The following RABGAP1L variants were observed in gnomAD, a reference collection of about 807,000 sequenced individuals.
RABGAP1L encodes the protein RAB GTPase activating protein 1 like.
In RABGAP1L, 63 loss-of-function variants were observed where a neutral mutation model predicts 137.7. The observed-to-expected ratio is 0.46, with a 90% CI of 0.37 to 0.56. The LOEUF is 0.56. Ranked by LOEUF, RABGAP1L falls within the 20% of genes least tolerant of loss-of-function variation. The pLI, the probability that RABGAP1L is intolerant of heterozygous loss-of-function variation, is 0.00. For missense variants in RABGAP1L, 1,095 were observed against 1,244.0 expected, an observed-to-expected ratio of 0.88 and a Z score of 1.80; for synonymous variants, 431 against 433.7, an observed-to-expected ratio of 0.99 and a Z score of 0.08.
intron 13 of RABGAP1L, among the ~76,000 whole-genome samples, chr1:174,453,848 T>A (rs1655722498): frequency 6.6e-6 from 1 of 152,164 alleles, no homozygotes; most frequent in Non-Finnish European, 1.5e-5. Flanking sequence ...AGTAAAAGTG[T>A]TTTTTTAAAA....
chr1:174,701,927 A>G (rs1281186932), intron 16 of RABGAP1L, among the ~76,000 whole-genome samples, 186 bp from the exon 17 acceptor site: 1 of 152,032 alleles, frequency 6.6e-6, no homozygotes, highest in Non-Finnish European at 1.5e-5. Context: ...ATTTTCCTCA[A>G]TTATCTGTCA....
chr1:174,443,975 A>G (rs551371496), intron 13 of RABGAP1L, among the ~76,000 whole-genome samples: 7 of 152,038 alleles, frequency 4.6e-5, no homozygotes, highest in African/African-American at 1.7e-4. Flanking sequence ...CCTTTCCTGA[A>G]TTTAGGTTGA....
At chr1:174,620,046 C>T (rs1672294898) in intron 13 of RABGAP1L, among the ~76,000 whole-genome samples, 1 of 152,214 alleles carries the variant, frequency 6.6e-6, no homozygotes, top group South Asian at 2.1e-4. Context: ...CAAAGAAGGC[C>T]ATTACATAAT....
chr1:174,751,804 TAAG>T (rs1684358057), intron 17 of RABGAP1L, among the ~76,000 whole-genome samples: 1 of 152,080 alleles, frequency 6.6e-6, no homozygotes. Context: ...CTAAAACAAA[TAAG>T]AAAACAATAA....
chr1:174,244,250 T>C (rs1672067178), intron 5 of RABGAP1L: 1 of 152,254 alleles, frequency 6.6e-6, no homozygotes, highest in South Asian at 2.1e-4. Context: ...CTTAAGTATG[T>C]ACTGTGCAGC....
intron 1 of RABGAP1L, among the ~76,000 whole-genome samples, chr1:174,218,615 T>C (rs1669520313): frequency 6.6e-6 from 1 of 152,202 alleles, no homozygotes; most frequent in Non-Finnish European, 1.5e-5. Context: ...GGATGTTGAA[T>C]TCTGTATTAG....
intron 19 of RABGAP1L, among the ~76,000 whole-genome samples, chr1:174,950,543 TGTTAGAATTTTG>T (rs1667555306): frequency 6.6e-6 from 1 of 152,186 alleles, no homozygotes; most frequent in Non-Finnish European, 1.5e-5. Context: ...TACTGCAAAC[TGTTAGAATTTTG>T]GTTGCCACTG....
At chr1:174,576,839 A>G (rs921580862) in intron 13 of RABGAP1L, among the ~76,000 whole-genome samples, 3 of 152,150 alleles carry the variant, frequency 2.0e-5, no homozygotes, top group Non-Finnish European at 4.4e-5. Context: ...GTTATGCAGA[A>G]AAATCTAGTT....
At chr1:174,419,498 A>G (rs768819080) in intron 13 of RABGAP1L, among the ~76,000 whole-genome samples, 1 of 152,178 alleles carries the variant, frequency 6.6e-6, no homozygotes, top group Non-Finnish European at 1.5e-5. Context: ...AAAAATGTAC[A>G]CTATATCTTA....
At chr1:174,931,096 G>A (rs138728467) in intron 19 of RABGAP1L, among the ~76,000 whole-genome samples, 79 of 152,212 alleles carry the variant, frequency 5.2e-4, no homozygotes, top group African/African-American at 1.7e-3. Flanking sequence ...AAAGTAAGCA[G>A]AGTGAATGCT....
At chr1:174,609,209 A>G (rs1438311479) in intron 13 of RABGAP1L, among the ~76,000 whole-genome samples, 1 of 152,184 alleles carries the variant, frequency 6.6e-6, no homozygotes, top group Non-Finnish European at 1.5e-5. Flanking sequence ...GGCCAGACAA[A>G]TACCTGGAAA....
Position 174,231,165 on chromosome 1 carries a change from TCTTCTCCAGGTGGA to T in RABGAP1L, c.355_368del (p.Ser119ThrfsTer2). ...TTCAGAAATTTCTACACCCAGACCATCTTCTCCAGGTGGACTACCTGAAGAAGATAGTGTTTTAT... is the reference window on the plus strand; with the variant it reads ...TTCAGAAATTTCTACACCCAGACCATCTACCTGAAGAAGATAGTGTTTTAT... On this transcript the variant is annotated frameshift_variant, in exon 4 of 26. Coordinates refer to ENST00000681986, the MANE Select transcript of RABGAP1L (RefSeq NM_001366446.1). LOFTEE classifies it high-confidence loss of function. The T allele has an allele frequency of 1.2e-6, 2 of 1,612,290 alleles. No homozygotes were observed. The highest frequency in any genetic ancestry group is 1.3e-5 in the African/African-American group (1 of 75,018).
intron 13 of RABGAP1L, among the ~76,000 whole-genome samples, chr1:174,517,496 TATTGATATA>T (rs1662974639): frequency 6.6e-6 from 1 of 152,302 alleles, no homozygotes; most frequent in Non-Finnish European, 1.5e-5. Context: ...CTAGGGGGGC[TATTGATATA>T]ATTTCTAGAA....
chr1:174,860,073 C>A (rs1650033614), intron 19 of RABGAP1L, among the ~76,000 whole-genome samples: 1 of 149,296 alleles, frequency 6.7e-6, no homozygotes, highest in Non-Finnish European at 1.5e-5. Flanking sequence ...AATCCAGACA[C>A]AAGTCACCTC....
intron 19 of RABGAP1L, among the ~76,000 whole-genome samples, chr1:174,875,195 A>G (rs1652879630): frequency 6.6e-6 from 1 of 152,264 alleles, no homozygotes; most frequent in Admixed American, 6.5e-5. Flanking sequence ...ATGTAAACTT[A>G]AACTATTTTT....
chr1:174,446,486 A>T (rs1654782053), intron 13 of RABGAP1L, among the ~76,000 whole-genome samples: 1 of 152,246 alleles, frequency 6.6e-6, no homozygotes, highest in African/African-American at 2.4e-5. Flanking sequence ...AAAGAATGAC[A>T]GGAGACTCTC....
intron 21 of RABGAP1L, 73 bp from the exon 22 acceptor site, chr1:174,976,005 A>G: frequency 7.4e-7 from 1 of 1,350,986 alleles, no homozygotes; most frequent in Non-Finnish European, 1.0e-6. Flanking sequence ...TTGGGTTTGG[A>G]GAAGATTTCC....
chr1:174,894,843 G>A (rs192557555), intron 19 of RABGAP1L, among the ~76,000 whole-genome samples: 53 of 152,144 alleles, frequency 3.5e-4, no homozygotes, highest in African/African-American at 1.1e-3. Context: ...TGCAACCTCC[G>A]CCTCCCAGGT....
At chr1:174,661,710 C>T (rs190981936) in intron 14 of RABGAP1L, among the ~76,000 whole-genome samples, 2 of 151,898 alleles carry the variant, frequency 1.3e-5, no homozygotes, top group Non-Finnish European at 2.9e-5. Context: ...TAAGATATAC[C>T]ATTATGCATC....
Sources: allele counts gnomAD v4.1 joint callset (sites outside exome capture counted in the v4.1 genomes callset), GRCh38; gene constraint gnomAD v4.1.1; transcripts MANE v1.5; gene names NCBI Gene and HGNC (gene_info 2026-07-23, HGNC 2026-07-21).